The following ADAMTS2 variants were observed in gnomAD, a reference collection of about 807,000 sequenced individuals.
ADAMTS2 encodes the protein A disintegrin and metalloproteinase with thrombospondin motifs 2.
A neutral mutation model predicts 123.0 loss-of-function variants in ADAMTS2; 50 were observed. The ratio of observed to expected loss-of-function variants is 0.41; its 90% CI spans 0.32 to 0.51. The LOEUF (loss-of-function observed/expected upper bound fraction) is 0.51. Among genes scored for constraint, ADAMTS2 ranks in the 20% least tolerant of loss-of-function variants. ADAMTS2 has a pLI of 0.35. For synonymous variants in ADAMTS2, 678 were observed against 695.4 expected, an observed-to-expected ratio of 0.98 and a Z score of 0.39; for missense variants, 1,494 against 1,705.2, an observed-to-expected ratio of 0.88 and a Z score of 2.18.
Position 179,132,341 on chromosome 5 carries a change from T to C in ADAMTS2, c.2210-31A>G, listed in dbSNP as rs867136306. 12 of 1,607,440 alleles carry C rather than the reference T, an allele frequency of 7.5e-6. No homozygotes were observed. The highest frequency in any genetic ancestry group is 1.7e-4 in the Middle Eastern group (1 of 6,052). On this transcript the variant is annotated intron_variant, in intron 14 of 21. Transcript: ENST00000251582. This position sits in a 1 kb window ranked among gnomAD's most constrained non-coding sequence, Gnocchi z 6.1. Reference sequence around the variant, plus strand: ...TTTGATGTGGAAAGACACAGAAAACTGAGAAGGGAAGGCGCCGCTCAAATT... The same window carrying C: ...TTTGATGTGGAAAGACACAGAAAACCGAGAAGGGAAGGCGCCGCTCAAATT...
chr5:179,133,824 G>A lies in ADAMTS2; in HGVS notation c.2086-924C>T, dbSNP rs975186810. ...GCCTCCGCCTCCCAGGTTCAAGTGA[G>A]TCTCCTGCCTCAGCCTCCCGAGTCG... On this transcript the variant is annotated intron_variant, in intron 13 of 21. Coordinates refer to ENST00000251582, the MANE Select transcript of ADAMTS2 (RefSeq NM_014244.5). Among the ~76,000 whole-genome samples, 13 of 149,814 alleles carry A rather than the reference G, an allele frequency of 8.7e-5. No individual in the cohort carries two copies. The East Asian group carries it at 2.6e-3, about 30-fold the overall frequency.
At chr5:179,196,137 G>A (rs191965453) in intron 4 of ADAMTS2, among the ~76,000 whole-genome samples, 15 of 152,118 alleles carry the variant, frequency 9.9e-5, no homozygotes, top group Non-Finnish European at 2.2e-4. Flanking sequence ...ATATGCCTTC[G>A]GATTGTTTGC....
chr5:179,203,460 A>T (rs1252874273), intron 4 of ADAMTS2, among the ~76,000 whole-genome samples: 4 of 152,220 alleles, frequency 2.6e-5, no homozygotes, highest in Non-Finnish European at 5.9e-5. Flanking sequence ...CCCTGTGACC[A>T]GCTGGGACTT....
At chr5:179,338,934 G>A (rs182397041) in intron 2 of ADAMTS2, among the ~76,000 whole-genome samples, 79 of 152,208 alleles carry the variant, frequency 5.2e-4, no homozygotes, top group Non-Finnish European at 9.3e-4. Flanking sequence ...GTGGGGTCTG[G>A]AGGAGAGTGG....
intron 11 of ADAMTS2, among the ~76,000 whole-genome samples, chr5:179,139,574 C>G (rs1763125172): frequency 6.6e-6 from 1 of 152,156 alleles, no homozygotes; most frequent in African/African-American, 2.4e-5. Flanking sequence ...CCCGCTTACC[C>G]CCATTTCCCC....
intron 5 of ADAMTS2, among the ~76,000 whole-genome samples, chr5:179,176,336 G>C (rs185544791): frequency 1.3e-5 from 2 of 152,180 alleles, no homozygotes; most frequent in African/African-American, 4.8e-5. Context: ...AGCTCCTCAT[G>C]CCTGCAGTTG....
chr5:179,184,217 C>G (rs553829950), intron 4 of ADAMTS2, among the ~76,000 whole-genome samples: 1 of 152,044 alleles, frequency 6.6e-6, no homozygotes, highest in African/African-American at 2.4e-5. Context: ...GATATAGGAA[C>G]GAAAGAAAGC....
At chr5:179,208,296 C>T (rs1199747991) in intron 3 of ADAMTS2, among the ~76,000 whole-genome samples, 1 of 152,178 alleles carries the variant, frequency 6.6e-6, no homozygotes, top group Non-Finnish European at 1.5e-5. Context: ...GCATGTTCCC[C>T]AGTGTCTCCT....
Position 179,189,188 on chromosome 5 carries a change from G to A in ADAMTS2, c.892-8033C>T, listed in dbSNP as rs897927058. On this transcript the variant is annotated intron_variant, in intron 4 of 21. Coordinates refer to ENST00000251582, the MANE Select transcript of ADAMTS2 (RefSeq NM_014244.5). This position sits in a 1 kb window ranked among gnomAD's most constrained non-coding sequence, Gnocchi z 4.2. ...TTGAAGCAACAATGAAAATTATCAC[G>A]TGCGTCCATGTGAAGAGATCACCAA... Among the ~76,000 whole-genome samples, 5 of 152,134 alleles carry A rather than the reference G, an allele frequency of 3.3e-5. No individual in the cohort carries two copies. Among genetic ancestry groups the A allele is most frequent in the African/African-American group, 7.2e-5 (3 of 41,428 alleles).
chr5:179,173,390 C>A (rs1020442665), intron 5 of ADAMTS2, among the ~76,000 whole-genome samples: 1 of 152,026 alleles, frequency 6.6e-6, no homozygotes, highest in African/African-American at 2.4e-5. Context: ...TATATTTGTA[C>A]ACCAAATTGA....
intron 10 of ADAMTS2, among the ~76,000 whole-genome samples, chr5:179,151,406 A>T (rs1374192153): frequency 6.6e-6 from 1 of 152,186 alleles, no homozygotes; most frequent in Admixed American, 6.5e-5. Flanking sequence ...AAGGAGCCAC[A>T]GGTCCATACA....
intron 2 of ADAMTS2, among the ~76,000 whole-genome samples, chr5:179,311,109 G>A (rs1209871756): frequency 7.3e-6 from 1 of 136,704 alleles, no homozygotes; most frequent in Admixed American, 8.6e-5. Context: ...CATTTTTCCA[G>A]ACAGCATTAT....
chr5:179,131,142 C>A (rs1482854566), intron 15 of ADAMTS2, among the ~76,000 whole-genome samples: 1 of 151,600 alleles, frequency 6.6e-6, no homozygotes, highest in Non-Finnish European at 1.5e-5. Context: ...GAAACCCCGT[C>A]TCTAGTAAAA....
chr5:179,302,096 G>A (rs565094234), intron 2 of ADAMTS2, among the ~76,000 whole-genome samples: 10 of 152,270 alleles, frequency 6.6e-5, no homozygotes, highest in Non-Finnish European at 1.2e-4. Context: ...GGGGAGTGTA[G>A]AGTGAGTAGG....
intron 3 of ADAMTS2, among the ~76,000 whole-genome samples, chr5:179,217,666 T>G (rs1765011930): frequency 8.0e-6 from 1 of 125,374 alleles, no homozygotes; most frequent in South Asian, 2.9e-4. Context: ...GCCCTCTCCT[T>G]AGCTGCCCCA....
intron 3 of ADAMTS2, among the ~76,000 whole-genome samples, chr5:179,209,550 A>ACACACACG (rs1491504951): frequency 3.3e-4 from 49 of 149,304 alleles, no homozygotes; most frequent in African/African-American, 9.7e-4. Flanking sequence ...ACACACATGT[A>ACACACACG]CACACACACA....
At chr5:179,149,946 A>G (rs1056149258) in intron 10 of ADAMTS2, among the ~76,000 whole-genome samples, 6 of 151,954 alleles carry the variant, frequency 3.9e-5, no homozygotes, top group Non-Finnish European at 7.4e-5. Context: ...TACCACCAAA[A>G]TGAGTGAAGG....
At chr5:179,293,844 G>A (rs554959767) in intron 2 of ADAMTS2, among the ~76,000 whole-genome samples, 45 of 151,366 alleles carry the variant, frequency 3.0e-4, no homozygotes, top group Non-Finnish European at 6.0e-4. Flanking sequence ...AGGTGGTCTC[G>A]AACTCCTGAC....
chr5:179,326,299 T>A (rs1299352495), intron 2 of ADAMTS2, among the ~76,000 whole-genome samples: 1 of 151,422 alleles, frequency 6.6e-6, no homozygotes, highest in Non-Finnish European at 1.5e-5. Context: ...ACCCTTGGCC[T>A]CAGCCATGTC....
Sources: gnomAD v4.1 joint callset for allele counts (sites outside exome capture counted in the v4.1 genomes callset) on GRCh38, gnomAD v4.1.1 for gene constraint, Gnocchi (gnomAD v3.1) non-coding constraint, MANE v1.5 for transcripts, NCBI Gene and HGNC (gene_info 2026-07-23, HGNC 2026-07-21) for gene names.